PDE1C: variants seen among roughly 807,000 people sequenced by gnomAD.
PDE1C encodes the protein dual specificity calcium/calmodulin-dependent 3',5'-cyclic nucleotide phosphodiesterase 1C.
In PDE1C, 62 loss-of-function variants were observed where a neutral mutation model predicts 93.1. The ratio of observed to expected loss-of-function variants is 0.67; its 90% CI spans 0.54 to 0.82. The LOEUF (loss-of-function observed/expected upper bound fraction) is 0.82, where lower values mean the gene tolerates loss of function less well. Among genes scored for constraint, PDE1C ranks in the 40% least tolerant of loss-of-function variants. The pLI is 0.00. For synonymous variants in PDE1C, 325 were observed against 310.1 expected, an observed-to-expected ratio of 1.05 and a Z score of -0.50; for missense variants, 742 against 884.6, an observed-to-expected ratio of 0.84 and a Z score of 2.04.
chr7:31,742,426 G>T, the PDE1C span, among the ~76,000 whole-genome samples: 1 of 152,330 alleles, frequency 6.6e-6, no homozygotes, highest in African/African-American at 2.4e-5. Context: ...GCACAAGCCA[G>T]CTGTGGTGGT....
rs530842659 is a variant in PDE1C at position 31,823,528 on chromosome 7, C to T, written c.1407-280G>A. ...TTCTTTTTTCCCCATAACCAGAATC[C>T]CCTCATGTGAATTTTCTCTGCTCTG... On this transcript the variant is annotated intron_variant, in intron 13 of 17. Coordinates refer to ENST00000396191, the MANE Select transcript of PDE1C (RefSeq NM_001191057.4). Among the ~76,000 whole-genome samples the T allele has an allele frequency of 5.3e-5, 8 of 152,028 alleles. No homozygotes were observed. The South Asian group carries it at 8.3e-4, about 16-fold the overall frequency.
intron 1 of PDE1C, among the ~76,000 whole-genome samples, chr7:32,068,774 A>T (rs1018190048): frequency 6.6e-6 from 1 of 152,230 alleles, no homozygotes; most frequent in African/African-American, 2.4e-5. Flanking sequence ...CCAAGAGAAG[A>T]AGTTCCTGGG....
At chr7:32,144,518 C>T (rs1800716525) in intron 3 of PDE1C, among the ~76,000 whole-genome samples, 1 of 152,174 alleles carries the variant, frequency 6.6e-6, no homozygotes, top group South Asian at 2.1e-4. Context: ...AGGACCCATC[C>T]TGAGGGGCTA....
At chr7:32,127,909 G>A (rs1799676681) in intron 3 of PDE1C, among the ~76,000 whole-genome samples, 1 of 151,774 alleles carries the variant, frequency 6.6e-6, no homozygotes, top group African/African-American at 2.4e-5. Flanking sequence ...TCATTATGTT[G>A]TTTCTAGGAA....
intron 1 of PDE1C, among the ~76,000 whole-genome samples, chr7:32,401,320 T>G (rs1583419760): frequency 6.6e-6 from 1 of 152,194 alleles, no homozygotes; most frequent in East Asian, 1.9e-4. Flanking sequence ...GGGCAGATCA[T>G]GAGGTCAGGA....
intron 2 of PDE1C, among the ~76,000 whole-genome samples, chr7:32,194,954 A>G (rs1804514639): frequency 6.6e-6 from 1 of 152,120 alleles, no homozygotes; most frequent in African/African-American, 2.4e-5. Flanking sequence ...TGTACTAGAT[A>G]TTACACTATA....
In PDE1C at chr7:31,756,927, G is replaced by A. The variant is rs564381900; in HGVS notation, c.1961-3374C>T. On this transcript the variant is annotated intron_variant, in intron 17 of 17. Coordinates refer to ENST00000396191, the MANE Select transcript of PDE1C (RefSeq NM_001191057.4). ...CAGGAGCAGGACACACGGTGGATCT[G>A]CTGGAAGGGCCAAGGTCAGGGACCC... 2.6e-5 allele frequency among the ~76,000 whole-genome samples: 4 copies of A among 152,346 alleles called. No homozygotes were observed. In the East Asian group the frequency reaches 7.7e-4, roughly 29 times the overall value.
intron 1 of PDE1C, among the ~76,000 whole-genome samples, chr7:32,210,145 G>C (rs1456863666): frequency 6.6e-6 from 1 of 152,152 alleles, no homozygotes; most frequent in African/African-American, 2.4e-5. Flanking sequence ...CCTACGAAAA[G>C]TCTCCATATA....
rs145230116 is a variant in PDE1C at position 32,000,314 on chromosome 7, G to A, written c.128+51240C>T. ...CTCAGAATGGTTGGTGGCATCTGGC[G>A]CATAGTGAGAACTCAAGACAAGTAG... On this transcript the variant is annotated intron_variant, in intron 2 of 17. Transcript: ENST00000396191. 3.3e-3 allele frequency among the ~76,000 whole-genome samples: 497 copies of A among 152,228 alleles called. 6 individuals carry two copies. Among genetic ancestry groups the A allele is most frequent in the Middle Eastern group, 0.017 (5 of 294 alleles).
intron 3 of PDE1C, among the ~76,000 whole-genome samples, chr7:32,104,759 A>G (rs1798214068): frequency 6.6e-6 from 1 of 152,218 alleles, no homozygotes; most frequent in Non-Finnish European, 1.5e-5. Flanking sequence ...TGCTACACGC[A>G]TGTATTATTT....
At chr7:31,695,351 C>T in the PDE1C span, 1 of 870,850 alleles carries the variant, frequency 1.1e-6, no homozygotes, top group Non-Finnish European at 1.7e-6. Context: ...AAACACTTTT[C>T]CTTTTCAGGC....
At chr7:31,707,996 C>A in the PDE1C span, 2 of 152,296 alleles carry the variant, frequency 1.3e-5, no homozygotes, top group South Asian at 2.1e-4. Context: ...GCTGTCCCAA[C>A]ATTTGTGAGT....
intron 1 of PDE1C, among the ~76,000 whole-genome samples, chr7:32,267,572 T>TCTCTCA (rs1401089095): frequency 1.3e-4 from 15 of 117,158 alleles, no homozygotes; most frequent in African/African-American, 4.4e-4. Flanking sequence ...TCTCTCTCTC[T>TCTCTCA]CACACACACA....
intron 16 of PDE1C, among the ~76,000 whole-genome samples, chr7:31,793,501 A>G (rs577357132): frequency 1.3e-5 from 2 of 152,166 alleles, no homozygotes; most frequent in East Asian, 3.9e-4. Context: ...ACTCTGTACC[A>G]TAGCTGCCTC....
chr7:31,632,814 T>C, the PDE1C span, among the ~76,000 whole-genome samples: 1 of 152,194 alleles, frequency 6.6e-6, no homozygotes. Flanking sequence ...ACAAACAGCC[T>C]GAAAAGCCTG....
chr7:31,895,580 T>TCTCTC (rs1799191111), intron 2 of PDE1C, among the ~76,000 whole-genome samples: 1 of 144,818 alleles, frequency 6.9e-6, no homozygotes, highest in Non-Finnish European at 1.5e-5. Context: ...TTTCTCTCTT[T>TCTCTC]TCTCTCTCTC....
intron 3 of PDE1C, among the ~76,000 whole-genome samples, chr7:32,123,417 A>C (rs1355145388): frequency 6.6e-6 from 1 of 152,102 alleles, no homozygotes; most frequent in Non-Finnish European, 1.5e-5. Context: ...AACAAAAAAA[A>C]ACTTCAGACC....
At position 31,987,373 on chromosome 7, in the gene PDE1C, C is replaced by T. The variant is rs111309036; in HGVS notation, c.128+64181G>A. Among the ~76,000 whole-genome samples the T allele has an allele frequency of 3.1e-4, 47 of 152,298 alleles. No individual in the cohort carries two copies. The Middle Eastern group carries it at 0.01, about 33-fold the overall frequency. On this transcript the variant is annotated intron_variant, in intron 2 of 17. Transcript: ENST00000396191. Reference sequence around the variant, plus strand: ...GAATCAGGACAGGATGAGGGCCCACCCAGCTGAGCTCATCATCCTGCCTCA... The same window carrying T: ...GAATCAGGACAGGATGAGGGCCCACTCAGCTGAGCTCATCATCCTGCCTCA...
chr7:32,354,597 TA>T (rs1562687523), intron 1 of PDE1C, among the ~76,000 whole-genome samples: 1 of 152,066 alleles, frequency 6.6e-6, no homozygotes, highest in Non-Finnish European at 1.5e-5. Flanking sequence ...ATACCTTGTT[TA>T]AAAAAAAGTT....
Sources: allele counts gnomAD v4.1 joint callset (sites outside exome capture counted in the v4.1 genomes callset), GRCh38; gene constraint gnomAD v4.1.1; transcripts MANE v1.5; gene names NCBI Gene and HGNC (gene_info 2026-07-23, HGNC 2026-07-21).